WDR36: variants seen among roughly 807,000 people sequenced by gnomAD.
WDR36 encodes WD repeat domain 36, also known as WD repeat-containing protein 36.
WDR36 carries 63 observed loss-of-function variants against 112.7 expected under a neutral mutation model. That is an observed-to-expected ratio of 0.56 (90% CI 0.46 to 0.69). WDR36 has a LOEUF of 0.69. WDR36 is among the 30% of genes least tolerant of loss of function. The probability of loss-of-function intolerance (pLI) is 0.00; values close to 1 mark genes in which losing one functional copy is unlikely to be tolerated. For synonymous variants in WDR36, 410 were observed against 362.2 expected (o/e 1.13, Z -1.50); for missense variants, 1,226 against 1,070.3 (o/e 1.15, Z -2.03).
intron 9 of WDR36, among the ~76,000 whole-genome samples, chr5:111,105,072 G>T (rs1382164951): frequency 6.6e-6 from 1 of 151,540 alleles, no homozygotes; most frequent in African/African-American, 2.4e-5. Flanking sequence ...TTAGTCTGCT[G>T]AAAATTATTA....
intron 5 of WDR36, 31 bp from the exon 6 acceptor site, chr5:111,102,314 A>AG: frequency 6.3e-7 from 1 of 1,580,512 alleles, no homozygotes; most frequent in Non-Finnish European, 8.6e-7. Context: ...AAAAAAAAAA[A>AG]TACAGCTTTC....
intron 15 of WDR36, 111 bp downstream of exon 15, chr5:111,111,389 G>T: frequency 1.1e-6 from 1 of 914,314 alleles, no homozygotes. Flanking sequence ...ATTTTAATTT[G>T]CAGGCTATTT....
intron 16 of WDR36, among the ~76,000 whole-genome samples, chr5:111,116,872 T>A (rs1753466906): frequency 6.6e-6 from 1 of 152,340 alleles, no homozygotes; most frequent in East Asian, 1.9e-4. Flanking sequence ...GTAAGCTTTT[T>A]AACAGATAGT....
intron 15 of WDR36, chr5:111,111,516 A>C: frequency 2.3e-6 from 1 of 437,074 alleles, no homozygotes; most frequent in Non-Finnish European, 4.2e-6. Flanking sequence ...AACTCTAAAC[A>C]AGGCCAAAGT....
intron 16 of WDR36, among the ~76,000 whole-genome samples, chr5:111,113,530 A>G (rs1165058398): frequency 6.6e-6 from 1 of 150,678 alleles, no homozygotes; most frequent in Non-Finnish European, 1.5e-5. Flanking sequence ...AAAAGGTCAA[A>G]CCCCCTAACT....
At position 111,102,864 on chromosome 5, in the gene WDR36, A is replaced by G. The variant is rs555541506; in HGVS notation, c.597+465A>G. ...TGCTTTTTTTTAATGAATCTGCAAA[A>G]TATGTATAAATAAATGAATGCATGT... On this transcript the variant is annotated intron_variant, in intron 6 of 22. Coordinates refer to ENST00000513710, the MANE Select transcript of WDR36 (RefSeq NM_139281.3). 5.3e-5 allele frequency among the ~76,000 whole-genome samples: 8 copies of G among 151,868 alleles called. No homozygotes were observed. In the South Asian group the frequency reaches 1.7e-3, roughly 31 times the overall value.
At position 111,118,996 on chromosome 5, in the gene WDR36, GTTAA is replaced by G. The variant is rs1753511609; in HGVS notation, c.1797-13_1797-10del. 6.3e-7 allele frequency: 1 copy of G among 1,590,926 alleles called. No homozygotes were observed. Among genetic ancestry groups the G allele is most frequent in the African/African-American group, 1.3e-5 (1 of 74,238 alleles). ...GGTAGAGTTCAAATACTTTTAACATGTTAATTATTTCTGTAGCCTTATAGACTGC... is the reference window on the plus strand; with the variant it reads ...GGTAGAGTTCAAATACTTTTAACATGTTATTTCTGTAGCCTTATAGACTGC... On this transcript the variant is annotated splice_polypyrimidine_tract_variant and intron_variant, in intron 16 of 22. Coordinates refer to ENST00000513710, the MANE Select transcript of WDR36 (RefSeq NM_139281.3).
chr5:111,103,911 T>G lies in WDR36; in HGVS notation c.723T>G (p.Phe241Leu), dbSNP rs1332712316. The G allele has an allele frequency of 6.2e-7, 1 of 1,611,020 alleles. No individual in the cohort carries two copies. The highest frequency in any genetic ancestry group is 1.1e-5 in the South Asian group (1 of 90,998). The change falls in exon 7 of 23, where the codon TTT becomes TTG. Residue 241 changes from phenylalanine to leucine, a missense_variant. Phe to Leu is a conservative substitution (Grantham distance 22). Transcript: ENST00000513710. ...QDWGPITSIS[F>L]RTDGHPVMAA... ...GGGGACCCATTACTTCAATTTCATT[T>G]CGCACAGGTAACTTTTAACATACTT... is the stretch of plus-strand genomic sequence containing the variant.
chr5:111,120,883 G>A, intron 18 of WDR36, 113 bp from the exon 19 acceptor site: 1 of 964,754 alleles, frequency 1.0e-6, no homozygotes, highest in South Asian at 1.5e-5. Context: ...TAAATGAACA[G>A]TCTACAAGGC....
At chr5:111,122,795 C>T (rs1433439018) in intron 19 of WDR36, among the ~76,000 whole-genome samples, 1 of 152,150 alleles carries the variant, frequency 6.6e-6, no homozygotes, top group Admixed American at 6.6e-5. Context: ...TTATTAGGCA[C>T]TTTACCATAG....
chr5:111,120,879 AAC>A (rs1753551306), intron 18 of WDR36, 115 bp from the exon 19 acceptor site: 1 of 914,908 alleles, frequency 1.1e-6, no homozygotes, highest in Non-Finnish European at 1.7e-6. Context: ...GAAATAAATG[AAC>A]AGTCTACAAG....
At chr5:111,098,011 T>G (rs946446639) in intron 3 of WDR36, among the ~76,000 whole-genome samples, 1 of 152,214 alleles carries the variant, frequency 6.6e-6, no homozygotes, top group African/African-American at 2.4e-5. Flanking sequence ...ATGAGGAGAC[T>G]TTATCCTATA....
chr5:111,095,134 A>T (rs1165068244), intron 2 of WDR36, 187 bp downstream of exon 2: 1 of 585,720 alleles, frequency 1.7e-6, no homozygotes, highest in East Asian at 2.9e-5. Flanking sequence ...ATGTATCTTT[A>T]TTTTCTTTAA....
chr5:111,094,210 A>G (rs2112561779), intron 1 of WDR36, among the ~76,000 whole-genome samples: 1 of 152,324 alleles, frequency 6.6e-6, no homozygotes, highest in African/African-American at 2.4e-5. Context: ...GGTAGTAGCT[A>G]TCATGTATTG....
In WDR36 at chr5:111,120,539, C is replaced by G. The variant is rs1753543544; in HGVS notation, c.1948C>G (p.Pro650Ala). The stretch of plus-strand genomic sequence containing the variant: ...TTCAGTTGTTTCATTACGGCCACTT[C>G]CTGCAGATTATGTCCCTTCAATAGT... ...LYSVVSLRPL[P>A]ADYVPSIVML... is the part of the protein sequence containing the mutation. The change falls in exon 18 of 23, where the codon CCT (proline) becomes GCT (alanine). Residue 650 changes from proline to alanine, a missense_variant. By Grantham distance (27) the Pro-to-Ala change is conservative (BLOSUM62 -1). Transcript: ENST00000513710. The G allele has an allele frequency of 6.2e-7, 1 of 1,613,104 alleles. No individual in the cohort carries two copies. The highest frequency in any genetic ancestry group is 8.5e-7 in the Non-Finnish European group (1 of 1,179,386).
intron 5 of WDR36, among the ~76,000 whole-genome samples, chr5:111,101,920 ACTTG>A (rs1258177518): frequency 1.3e-5 from 2 of 151,802 alleles, no homozygotes; most frequent in African/African-American, 4.8e-5. Context: ...ATCATTCATG[ACTTG>A]CTTCTGAAAT....
At chr5:111,113,516 A>G (rs1460565011) in intron 16 of WDR36, among the ~76,000 whole-genome samples, 1 of 152,100 alleles carries the variant, frequency 6.6e-6, no homozygotes, top group Non-Finnish European at 1.5e-5. Flanking sequence ...TGCTGAATTT[A>G]GTTAAAAGGT....
At chr5:111,118,149 T>C (rs1753494155) in intron 16 of WDR36, among the ~76,000 whole-genome samples, 1 of 152,222 alleles carries the variant, frequency 6.6e-6, no homozygotes, top group African/African-American at 2.4e-5. Context: ...GTGTTTGATA[T>C]GTAAGACATT....
At chr5:111,099,576 T>C (rs766994267) in intron 4 of WDR36, among the ~76,000 whole-genome samples, 2 of 150,682 alleles carry the variant, frequency 1.3e-5, no homozygotes, top group Non-Finnish European at 3.0e-5. Flanking sequence ...TTTGCTCAAG[T>C]AGAGGGAGGG....
Sources: gnomAD v4.1 joint callset for allele counts (sites outside exome capture counted in the v4.1 genomes callset) on GRCh38, gnomAD v4.1.1 for gene constraint, MANE v1.5 for transcripts, NCBI Gene and HGNC (gene_info 2026-07-23, HGNC 2026-07-21) for gene names.